The following CPPED1 variants were observed in gnomAD, a reference collection of about 807,000 sequenced individuals.
The protein encoded by CPPED1 is serine/threonine-protein phosphatase CPPED1.
CPPED1 carries 28 observed loss-of-function variants against 28.0 expected under a neutral mutation model. The ratio of observed to expected loss-of-function variants is 1.00; its 90% CI spans 0.74 to 1.37. The LOEUF (loss-of-function observed/expected upper bound fraction) is 1.37, where lower values mean the gene tolerates loss of function less well. Ranked by LOEUF, CPPED1 falls within the 40% of genes most tolerant of loss-of-function variation. The probability of loss-of-function intolerance (pLI) is 0.00; values close to 1 mark genes in which losing one functional copy is unlikely to be tolerated. For synonymous variants in CPPED1, 198 were observed against 180.2 expected (o/e 1.10, Z -0.79); for missense variants, 504 against 416.5 (o/e 1.21, Z -1.83).
intron 3 of CPPED1, among the ~76,000 whole-genome samples, chr16:12,703,304 C>T (rs941326685): frequency 6.6e-6 from 1 of 152,006 alleles, no homozygotes; most frequent in East Asian, 1.9e-4. Context: ...CAAAATGTTC[C>T]GCTGGGTGGG....
rs774510707 is a variant in CPPED1 at position 12,781,256 on chromosome 16, T to A, written c.218A>T (p.Gln73Leu). ...QEIRLTEQAV[Q>L]AINKLNPKPK... ...TTTGGGGTTCAGCTTGTTGATGGCCTGGACGGCTTGCTCAGTTAGACGGAT... is the reference window on the plus strand; with the variant it reads ...TTTGGGGTTCAGCTTGTTGATGGCCAGGACGGCTTGCTCAGTTAGACGGAT... Residue 73 changes from glutamine (Q) to leucine (L), a missense_variant, in exon 2 of 4, where the codon CAG becomes CTG. Gln to Leu is a moderately radical substitution (Grantham distance 113). Transcript: ENST00000381774. 6.2e-7 allele frequency: 1 copy of A among 1,614,174 alleles called. No homozygotes were observed. The highest frequency in any genetic ancestry group is 1.1e-5 in the South Asian group (1 of 91,076).
chr16:12,751,380 A>C (rs2080327694), intron 2 of CPPED1, among the ~76,000 whole-genome samples: 1 of 151,488 alleles, frequency 6.6e-6, no homozygotes, highest in Non-Finnish European at 1.5e-5. Flanking sequence ...AGGATAGAAG[A>C]TCCAACCAGC....
In CPPED1 at chr16:12,799,243, G is replaced by GTT. The variant is rs200948126; in HGVS notation, c.70+4462_70+4463dup. 3.0e-3 allele frequency among the ~76,000 whole-genome samples: 402 copies of GTT among 135,220 alleles called. 8 individuals carry two copies. The highest frequency in any genetic ancestry group is 3.9e-3 in the Middle Eastern group (1 of 256). The allele number at this position is 135,220 out of a possible 152,430, so 88.7% of individuals were successfully genotyped here. A position where few individuals can be genotyped will look rare whatever the true frequency, so the allele number is the denominator to read the frequency against. ...TTTGGCAAGAGAAGGGGAAAAGTCAGTTTTTTTTTTTTTTTTTTTTGAGAC... is the reference window on the plus strand; with the variant it reads ...TTTGGCAAGAGAAGGGGAAAAGTCAGTTTTTTTTTTTTTTTTTTTTTTGAGAC... On this transcript the variant is annotated intron_variant, in intron 1 of 3. Transcript: ENST00000381774.
Position 12,741,300 on chromosome 16 carries a change from C to CT in CPPED1, c.290-36252dup, listed in dbSNP as rs11322298. Among the ~76,000 whole-genome samples, 309 of 128,678 alleles carry CT rather than the reference C, an allele frequency of 2.4e-3. 3 individuals carry two copies. In the South Asian group the frequency reaches 0.034, roughly 14 times the overall value. The allele number at this position is 128,678 out of a possible 152,430, so 84.4% of individuals were successfully genotyped here. A position where few individuals can be genotyped will look rare whatever the true frequency, so the allele number is the denominator to read the frequency against. ...AAAAATAAATCCTCCTCTGGCTGCC[C>CT]TTTTTTTTTTTTTTTTTGTAGAATA... On this transcript the variant is annotated intron_variant, in intron 2 of 3. Coordinates refer to ENST00000381774, the MANE Select transcript of CPPED1 (RefSeq NM_018340.3).
chr16:12,668,223 G>T (rs563502708), intron 3 of CPPED1, among the ~76,000 whole-genome samples: 50 of 152,208 alleles, frequency 3.3e-4, no homozygotes, highest in African/African-American at 1.2e-3. Flanking sequence ...CAAAAGAAAG[G>T]ATGAAATATT....
intron 3 of CPPED1, among the ~76,000 whole-genome samples, chr16:12,689,894 T>C (rs1596446994): frequency 6.6e-6 from 1 of 152,178 alleles, no homozygotes; most frequent in African/African-American, 2.4e-5. Context: ...TTTCAGACCA[T>C]TTACTCCAAG....
intron 2 of CPPED1, among the ~76,000 whole-genome samples, chr16:12,773,993 T>C (rs1480479954): frequency 6.6e-6 from 1 of 152,188 alleles, no homozygotes; most frequent in Non-Finnish European, 1.5e-5. Context: ...CTGCCTCAGC[T>C]GTTCAGCAGC....
intron 2 of CPPED1, among the ~76,000 whole-genome samples, chr16:12,731,969 C>A (rs557297371): frequency 2.3e-4 from 35 of 151,912 alleles, no homozygotes; most frequent in African/African-American, 8.4e-4. Flanking sequence ...TGGAGACCAG[C>A]CTGGCCAAAA....
intron 1 of CPPED1, among the ~76,000 whole-genome samples, chr16:12,796,040 G>A (rs1457953674): frequency 6.6e-6 from 1 of 151,324 alleles, no homozygotes; most frequent in Non-Finnish European, 1.5e-5. Context: ...CCAAGATCAC[G>A]CCACTGCACT....
At chr16:12,695,901 G>A (rs1008197296) in intron 3 of CPPED1, among the ~76,000 whole-genome samples, 1 of 152,122 alleles carries the variant, frequency 6.6e-6, no homozygotes, top group Non-Finnish European at 1.5e-5. Flanking sequence ...TTTGTCTAAG[G>A]TTTTTTCTTT....
chr16:12,719,423 A>ACCG (rs1450562640), intron 2 of CPPED1, among the ~76,000 whole-genome samples: 16 of 151,710 alleles, frequency 1.1e-4, no homozygotes, highest in African/African-American at 3.9e-4. Flanking sequence ...TATGGAGGAA[A>ACCG]CCGCCCCCAT....
chr16:12,797,056 A>G (rs2080631724), intron 1 of CPPED1, among the ~76,000 whole-genome samples: 1 of 152,204 alleles, frequency 6.6e-6, no homozygotes, highest in Non-Finnish European at 1.5e-5. Flanking sequence ...AGGCCCATCT[A>G]TGGAGGTAAA....
chr16:12,792,983 C>T (rs2141245331), intron 1 of CPPED1, among the ~76,000 whole-genome samples: 1 of 152,232 alleles, frequency 6.6e-6, no homozygotes, highest in East Asian at 1.9e-4. Flanking sequence ...ACTCTTCCTG[C>T]TGAAATCCCT....
chr16:12,718,532 C>CT (rs2080119698), intron 2 of CPPED1, among the ~76,000 whole-genome samples: 1 of 111,430 alleles, frequency 9.0e-6, no homozygotes, highest in East Asian at 2.6e-4. Flanking sequence ...GAGCAAGACT[C>CT]TGTCTTAAAA....
intron 1 of CPPED1, among the ~76,000 whole-genome samples, chr16:12,795,973 C>T (rs1196489215): frequency 6.6e-6 from 1 of 151,696 alleles, no homozygotes. Flanking sequence ...GTCCCAGCTA[C>T]TTGGGAGTCC....
At chr16:12,685,298 A>G (rs1037609867) in intron 3 of CPPED1, among the ~76,000 whole-genome samples, 1 of 152,064 alleles carries the variant, frequency 6.6e-6, no homozygotes, top group Admixed American at 6.5e-5. Context: ...AAAAATACAA[A>G]AATTAGCCAG....
At chr16:12,686,542 T>C (rs1209095261) in intron 3 of CPPED1, among the ~76,000 whole-genome samples, 1 of 152,182 alleles carries the variant, frequency 6.6e-6, no homozygotes, top group Non-Finnish European at 1.5e-5. Context: ...TCTATTCCTG[T>C]GAAATTGCTT....
intron 3 of CPPED1, among the ~76,000 whole-genome samples, chr16:12,699,475 C>T (rs1468740080): frequency 6.6e-6 from 1 of 152,084 alleles, no homozygotes; most frequent in Non-Finnish European, 1.5e-5. Context: ...TGACACCCTC[C>T]TCCTCGTTTA....
chr16:12,762,592 G>A (rs921065231), intron 2 of CPPED1, among the ~76,000 whole-genome samples: 7 of 152,106 alleles, frequency 4.6e-5, no homozygotes, highest in African/African-American at 7.2e-5. Context: ...CCAAGGCGCC[G>A]CATACTGTAT....
Sources: gnomAD v4.1 joint callset for allele counts (sites outside exome capture counted in the v4.1 genomes callset) on GRCh38, gnomAD v4.1.1 for gene constraint, MANE v1.5 for transcripts, NCBI Gene and HGNC (gene_info 2026-07-23, HGNC 2026-07-21) for gene names.